Variants in PEX5L observed in about 807,000 individuals in gnomAD.
The protein encoded by PEX5L is PEX5-related protein.
A neutral mutation model predicts 84.0 loss-of-function variants in PEX5L; 30 were observed. That is an observed-to-expected ratio of 0.36 (90% CI 0.27 to 0.48). The LOEUF (loss-of-function observed/expected upper bound fraction) is 0.48, where lower values mean the gene tolerates loss of function less well. Ranked by LOEUF, PEX5L falls within the 20% of genes least tolerant of loss-of-function variation. The probability of loss-of-function intolerance (pLI) is 0.99; values close to 1 mark genes in which losing one functional copy is unlikely to be tolerated. For missense variants in PEX5L, 533 were observed against 754.6 expected (o/e 0.71, Z 3.44); for synonymous variants, 270 against 283.1 (o/e 0.95, Z 0.46).
intron 2 of PEX5L, among the ~76,000 whole-genome samples, chr3:179,937,434 GA>G (rs201808061): frequency 1.7e-3 from 251 of 151,932 alleles, no homozygotes; most frequent in Middle Eastern, 3.4e-3. Context: ...AAAGTTTATT[GA>G]AAAAAATAGC....
At chr3:180,024,103 C>T (rs1401681086) in intron 1 of PEX5L, among the ~76,000 whole-genome samples, 2 of 151,908 alleles carry the variant, frequency 1.3e-5, no homozygotes, top group African/African-American at 2.4e-5. Flanking sequence ...TTATTATTTG[C>T]ACAAAGGTAG....
chr3:179,874,523 A>G, intron 6 of PEX5L, 100 bp from the exon 7 acceptor site: 1 of 635,754 alleles, frequency 1.6e-6, no homozygotes, highest in Admixed American at 2.9e-5. Context: ...GAAAGCCATG[A>G]TGTCAAAGCT....
At chr3:179,915,677 G>A (rs1766802691) in intron 2 of PEX5L, among the ~76,000 whole-genome samples, 2 of 152,198 alleles carry the variant, frequency 1.3e-5, no homozygotes, top group South Asian at 4.1e-4. Context: ...GGCACAGGGA[G>A]CGTGTTTATA....
chr3:179,895,584 T>A (rs1057296027), intron 3 of PEX5L: 4 of 152,140 alleles, frequency 2.6e-5, no homozygotes, highest in Non-Finnish European at 5.9e-5. Flanking sequence ...TCCAGCAATT[T>A]CTGAGTTCAG....
At chr3:179,987,865 G>A (rs935539565) in intron 1 of PEX5L, among the ~76,000 whole-genome samples, 3 of 152,146 alleles carry the variant, frequency 2.0e-5, no homozygotes, top group African/African-American at 7.2e-5. Context: ...GACTGCAGAT[G>A]GTGGATTTGG....
chr3:179,801,123 A>ATCTT lies in PEX5L; in HGVS notation c.*701_*704dup, dbSNP rs1718743218. On this transcript the variant is annotated 3_prime_UTR_variant, in exon 15 of 15. Transcript: ENST00000467460. Reference sequence around the variant, plus strand: ...TGATCTAGTGAGGCTGAGTTCTTAAATCTTTCACCCCCAAGTTAAAAATTG... The same window carrying ATCTT: ...TGATCTAGTGAGGCTGAGTTCTTAAATCTTTCTTTCACCCCCAAGTTAAAAATTG... 1.3e-5 allele frequency: 2 copies of ATCTT among 152,654 alleles called. No individual in the cohort carries two copies. The highest frequency in any genetic ancestry group is 4.8e-5 in the African/African-American group (2 of 41,450). 9.5% of individuals were successfully genotyped at this position (152,654 alleles called of 1,614,324 possible).
chr3:180,030,922 CT>C (rs56182937), intron 1 of PEX5L, among the ~76,000 whole-genome samples: 18,057 of 139,234 alleles, frequency 0.13, 1,175 homozygotes, highest in African/African-American at 0.18. Flanking sequence ...GGATTTTTGT[CT>C]TTTTTTTTTT....
At chr3:179,882,610 C>T (rs1053689200) in intron 4 of PEX5L, among the ~76,000 whole-genome samples, 1 of 152,162 alleles carries the variant, frequency 6.6e-6, no homozygotes, top group East Asian at 1.9e-4. Context: ...TGGAGAAAGA[C>T]AAATCACATT....
chr3:179,816,052 C>A, intron 9 of PEX5L, 48 bp from the exon 10 acceptor site: 1 of 1,569,742 alleles, frequency 6.4e-7, no homozygotes, highest in South Asian at 1.1e-5. Flanking sequence ...TTTCTCTTCT[C>A]ATTCTCACAT....
At chr3:180,009,941 T>C (rs1789275568) in intron 1 of PEX5L, among the ~76,000 whole-genome samples, 1 of 150,632 alleles carries the variant, frequency 6.6e-6, no homozygotes. Context: ...TAAAGACTTT[T>C]ATTTATTTAT....
chr3:179,955,278 T>C (rs1524514), intron 2 of PEX5L, among the ~76,000 whole-genome samples: 29,276 of 152,092 alleles, frequency 0.19, 3,360 homozygotes, highest in Non-Finnish European at 0.26. Flanking sequence ...AAATAATTGT[T>C]CCAAAGACAG....
At chr3:179,913,032 CAT>C (rs975949921) in intron 2 of PEX5L, among the ~76,000 whole-genome samples, 8 of 152,212 alleles carry the variant, frequency 5.3e-5, no homozygotes, top group Admixed American at 1.3e-4. Context: ...AGTATTCACA[CAT>C]GTTAGAAAGA....
chr3:179,942,058 G>C (rs1386030994), intron 2 of PEX5L, among the ~76,000 whole-genome samples: 1 of 150,760 alleles, frequency 6.6e-6, no homozygotes, highest in Non-Finnish European at 1.5e-5. Flanking sequence ...AAGATTATCA[G>C]CTTTTCAAAG....
rs139204304 is a variant in PEX5L at position 179,947,563 on chromosome 3, T to C, written c.93+24031A>G. On this transcript the variant is annotated intron_variant, in intron 2 of 14. Coordinates refer to ENST00000467460, the MANE Select transcript of PEX5L (RefSeq NM_016559.3). ...CAGTAGTAGAATAACACAGGCTTAT[T>C]CTACTATAGTACCTTAACATTCCCA... 5.1e-3 allele frequency among the ~76,000 whole-genome samples: 773 copies of C among 152,112 alleles called. 2 individuals carry two copies. The highest frequency in any genetic ancestry group is 7.8e-3 in the Non-Finnish European group (529 of 67,992).
chr3:179,920,855 TAA>T (rs952645698), intron 2 of PEX5L, among the ~76,000 whole-genome samples: 3 of 152,310 alleles, frequency 2.0e-5, no homozygotes, highest in Non-Finnish European at 2.9e-5. Context: ...ATAATGGATA[TAA>T]GTTAACTTTA....
At chr3:179,932,128 A>T (rs1240834420) in intron 2 of PEX5L, among the ~76,000 whole-genome samples, 2 of 152,172 alleles carry the variant, frequency 1.3e-5, no homozygotes, top group Non-Finnish European at 2.9e-5. Flanking sequence ...TAAACAAAAC[A>T]TTATGCAGCT....
rs539711656 is a variant in PEX5L at position 179,952,973 on chromosome 3, A to G, written c.93+18621T>C. On this transcript the variant is annotated intron_variant, in intron 2 of 14. Coordinates refer to ENST00000467460, the MANE Select transcript of PEX5L (RefSeq NM_016559.3). ...CACATCTACAACCATCTGATCTTTGACAAACCTGACAAAAACAAGCAATGG... is the reference window on the plus strand; with the variant it reads ...CACATCTACAACCATCTGATCTTTGGCAAACCTGACAAAAACAAGCAATGG... Among the ~76,000 whole-genome samples, 4 of 152,296 alleles carry G rather than the reference A, an allele frequency of 2.6e-5. No individual in the cohort carries two copies. The South Asian group carries it at 8.3e-4, about 32-fold the overall frequency.
intron 8 of PEX5L, among the ~76,000 whole-genome samples, chr3:179,849,172 G>C (rs1199068537): frequency 6.6e-6 from 1 of 152,146 alleles, no homozygotes; most frequent in African/African-American, 2.4e-5. Context: ...ATCAATACCA[G>C]TTTCCTAAAC....
At chr3:180,016,094 T>C (rs1458078275) in intron 1 of PEX5L, among the ~76,000 whole-genome samples, 2 of 148,842 alleles carry the variant, frequency 1.3e-5, no homozygotes, top group Non-Finnish European at 3.0e-5. Flanking sequence ...AAGTAAGTGC[T>C]GTAACACCAC....
Sources: gnomAD v4.1 joint callset for allele counts (sites outside exome capture counted in the v4.1 genomes callset) on GRCh38, gnomAD v4.1.1 for gene constraint, MANE v1.5 for transcripts, NCBI Gene and HGNC (gene_info 2026-07-23, HGNC 2026-07-21) for gene names.